Variants in NFIA observed in about 807,000 individuals in gnomAD.
The protein encoded by NFIA is nuclear factor I A, also known as nuclear factor 1 A-type.
Under a neutral mutation model 62.8 loss-of-function variants are expected in NFIA, and 8 were observed. The ratio of observed to expected loss-of-function variants is 0.13; its 90% CI spans 0.07 to 0.23. The LOEUF is 0.23. NFIA is among the 10% of genes least tolerant of loss of function. The probability of loss-of-function intolerance (pLI) is 1.00; values close to 1 mark genes in which losing one functional copy is unlikely to be tolerated. For missense variants in NFIA, 410 were observed against 642.1 expected, an observed-to-expected ratio of 0.64 and a Z score of 3.91; for synonymous variants, 235 against 238.1, an observed-to-expected ratio of 0.99 and a Z score of 0.12.
intron 3 of NFIA, among the ~76,000 whole-genome samples, chr1:61,288,970 A>G (rs771692069): frequency 1.3e-5 from 2 of 152,084 alleles, no homozygotes; most frequent in African/African-American, 2.4e-5. Flanking sequence ...GGGTCTCACT[A>G]TGTTGTCCAG....
intron 3 of NFIA, among the ~76,000 whole-genome samples, chr1:61,287,807 T>G (rs1162280437): frequency 6.6e-6 from 1 of 152,238 alleles, no homozygotes; most frequent in Non-Finnish European, 1.5e-5. Context: ...CAACCAGTTG[T>G]AATTCTCCAC....
chr1:61,273,614 A>C (rs897843894), intron 2 of NFIA, among the ~76,000 whole-genome samples: 2 of 152,192 alleles, frequency 1.3e-5, no homozygotes, highest in Non-Finnish European at 2.9e-5. Context: ...TCAGTTCAGC[A>C]GTTATTGAAC....
intron 10 of NFIA, among the ~76,000 whole-genome samples, chr1:61,431,546 G>T (rs569366674): frequency 6.6e-6 from 1 of 152,200 alleles, no homozygotes; most frequent in East Asian, 1.9e-4. Context: ...ACTTGGCATG[G>T]CATGGGCCTG....
chr1:61,231,364 A>T (rs990968085), intron 2 of NFIA, among the ~76,000 whole-genome samples: 1 of 152,224 alleles, frequency 6.6e-6, no homozygotes, highest in Non-Finnish European at 1.5e-5. Flanking sequence ...ATAAAGTCCT[A>T]TGAATTAGGA....
At chr1:61,200,322 G>A (rs1449531844) in intron 2 of NFIA, among the ~76,000 whole-genome samples, 1 of 151,524 alleles carries the variant, frequency 6.6e-6, no homozygotes, top group East Asian at 1.9e-4. Flanking sequence ...GTTAATCCAT[G>A]TAAAACACTT....
At chr1:61,156,058 C>T (rs528761378) in intron 2 of NFIA, among the ~76,000 whole-genome samples, 2 of 152,234 alleles carry the variant, frequency 1.3e-5, no homozygotes, top group South Asian at 2.1e-4. Flanking sequence ...TGTTTGAACC[C>T]GGGAGGCGGA....
Position 61,458,143 on chromosome 1 carries a change from A to G in NFIA, c.*2823A>G, listed in dbSNP as rs1372433322. On this transcript the variant is annotated 3_prime_UTR_variant, in exon 11 of 11. Transcript: ENST00000403491. ...CAGCCAGCATACTTTGCCTTCCCCTATAGCACTTAGCTGGGCATTACTTTA... is the reference window on the plus strand; with the variant it reads ...CAGCCAGCATACTTTGCCTTCCCCTGTAGCACTTAGCTGGGCATTACTTTA... 6.6e-6 allele frequency: 1 copy of G among 151,946 alleles called. No homozygotes were observed. 9.4% of individuals were successfully genotyped at this position (151,946 alleles called of 1,614,324 possible).
chr1:61,376,279 C>T (rs1004292533), intron 6 of NFIA, among the ~76,000 whole-genome samples: 2 of 152,124 alleles, frequency 1.3e-5, no homozygotes, highest in Admixed American at 6.6e-5. Flanking sequence ...GGCTTGGACA[C>T]TATCAACAAG....
Position 61,332,476 on chromosome 1 carries a change from A to T in NFIA, c.626-36A>T, listed in dbSNP as rs754624455. On this transcript the variant is annotated intron_variant, in intron 3 of 10. Transcript: ENST00000403491. The stretch of plus-strand genomic sequence containing the variant: ...CTCTGTTGTCAAATGTCTTGTATTT[A>T]TGACACTTTGTTTTCTTTTGTTTTT... The T allele has an allele frequency of 7.6e-6, 12 of 1,580,186 alleles. No homozygotes were observed. In the Admixed American group the frequency reaches 2.0e-4, roughly 26 times the overall value.
chr1:61,177,989 G>T (rs80060307), intron 2 of NFIA, among the ~76,000 whole-genome samples: 2 of 152,074 alleles, frequency 1.3e-5, no homozygotes, highest in Non-Finnish European at 2.9e-5. Context: ...CCCTTCGAGC[G>T]CATGAATTGG....
At chr1:61,298,668 G>A (rs531129278) in intron 3 of NFIA, among the ~76,000 whole-genome samples, 5 of 152,222 alleles carry the variant, frequency 3.3e-5, no homozygotes, top group South Asian at 4.1e-4. Flanking sequence ...GTTTACTTCC[G>A]TAAATTGGAG....
chr1:61,244,794 A>T (rs569137330), intron 2 of NFIA, among the ~76,000 whole-genome samples: 1 of 152,194 alleles, frequency 6.6e-6, no homozygotes, highest in Non-Finnish European at 1.5e-5. Context: ...TTTAAATGGC[A>T]TAATAATTTA....
At chr1:61,376,440 T>A (rs146369004) in intron 6 of NFIA, among the ~76,000 whole-genome samples, 1 of 152,250 alleles carries the variant, frequency 6.6e-6, no homozygotes, top group East Asian at 1.9e-4. Flanking sequence ...ACATCTGGGG[T>A]CATTATCTTC....
chr1:61,293,631 G>T (rs1253190400), intron 3 of NFIA, among the ~76,000 whole-genome samples: 1 of 152,144 alleles, frequency 6.6e-6, no homozygotes, highest in African/African-American at 2.4e-5. Flanking sequence ...TCCACCTTTC[G>T]AACCTAGGCC....
chr1:61,305,685 G>A (rs2100338083), intron 3 of NFIA, among the ~76,000 whole-genome samples: 1 of 152,206 alleles, frequency 6.6e-6, no homozygotes, highest in South Asian at 2.1e-4. Flanking sequence ...TGTCTTCAGG[G>A]CTTGCCCTCT....
At chr1:61,280,792 C>A (rs555714208) in intron 3 of NFIA, among the ~76,000 whole-genome samples, 1 of 152,220 alleles carries the variant, frequency 6.6e-6, no homozygotes, top group African/African-American at 2.4e-5. Context: ...TGAAGCCCAG[C>A]GATAAAATAT....
intron 3 of NFIA, among the ~76,000 whole-genome samples, chr1:61,298,294 G>C (rs1659299710): frequency 6.6e-6 from 1 of 152,176 alleles, no homozygotes; most frequent in African/African-American, 2.4e-5. Flanking sequence ...AACCAGGATT[G>C]TAAGTTTCCT....
At chr1:61,139,310 A>G (rs377312631) in intron 2 of NFIA, among the ~76,000 whole-genome samples, 18 of 152,312 alleles carry the variant, frequency 1.2e-4, no homozygotes, top group African/African-American at 3.4e-4. Flanking sequence ...GGAACTCCCC[A>G]TGTAGATCCC....
At position 61,123,481 on chromosome 1, in the gene NFIA, CA is replaced by C. The variant is rs1646920843; in HGVS notation, c.559+34805del. Among the ~76,000 whole-genome samples, 4 of 152,250 alleles carry C rather than the reference CA, an allele frequency of 2.6e-5. No individual in the cohort carries two copies. The East Asian group carries it at 7.7e-4, about 29-fold the overall frequency. On this transcript the variant is annotated intron_variant, in intron 2 of 10. Coordinates refer to ENST00000403491, the MANE Select transcript of NFIA (RefSeq NM_001134673.4). ...TGCTCATTTTGGCATAATTCTAAAACAAAAGTGTTACTGTTGGATCTGGGCA... is the reference window on the plus strand; with the variant it reads ...TGCTCATTTTGGCATAATTCTAAAACAAAGTGTTACTGTTGGATCTGGGCA...
Sources: gnomAD v4.1 joint callset for allele counts (sites outside exome capture counted in the v4.1 genomes callset) on GRCh38, gnomAD v4.1.1 for gene constraint, MANE v1.5 for transcripts, NCBI Gene and HGNC (gene_info 2026-07-23, HGNC 2026-07-21) for gene names.